Variants in MALRD1 observed in about 807,000 individuals in gnomAD.
The protein encoded by MALRD1 is MAM and LDL-receptor class A domain-containing protein 1.
In MALRD1, 247 loss-of-function variants were observed where a neutral mutation model predicts 242.1. That is an observed-to-expected ratio of 1.02 (90% CI 0.92 to 1.13). The LOEUF is 1.13. MALRD1 is among the 50% of genes most tolerant of loss of function. The probability of loss-of-function intolerance (pLI) is 0.00; values close to 1 mark genes in which losing one functional copy is unlikely to be tolerated. For synonymous variants in MALRD1, 995 were observed against 866.6 expected (o/e 1.15, Z -2.60); for missense variants, 2,989 against 2,533.1 (o/e 1.18, Z -3.86).
intron 31 of MALRD1, among the ~76,000 whole-genome samples, chr10:19,530,149 C>T (rs979598306): frequency 1.3e-5 from 2 of 150,848 alleles, no homozygotes; most frequent in Admixed American, 6.6e-5. Context: ...TAATGTAACA[C>T]ACTAATGCAA....
At chr10:19,464,236 T>G (rs1836105799) in intron 29 of MALRD1, among the ~76,000 whole-genome samples, 2 of 152,196 alleles carry the variant, frequency 1.3e-5, no homozygotes, top group African/African-American at 4.8e-5. Context: ...TGTTTATCTT[T>G]GTTTTTGTTG....
chr10:19,452,620 A>C (rs1835391741), intron 29 of MALRD1, among the ~76,000 whole-genome samples: 1 of 152,216 alleles, frequency 6.6e-6, no homozygotes, highest in South Asian at 2.1e-4. Flanking sequence ...AATTATGAGA[A>C]AGTTTGAAAG....
At chr10:19,465,102 C>A (rs1479351529) in intron 29 of MALRD1, among the ~76,000 whole-genome samples, 1 of 152,030 alleles carries the variant, frequency 6.6e-6, no homozygotes, top group Non-Finnish European at 1.5e-5. Flanking sequence ...GTTTTAGGAG[C>A]TTTTTGGAGG....
At chr10:19,358,363 T>C (rs1844737072) in intron 26 of MALRD1, among the ~76,000 whole-genome samples, 1 of 152,102 alleles carries the variant, frequency 6.6e-6, no homozygotes, top group African/African-American at 2.4e-5. Context: ...ATCTTTCAGG[T>C]CACTCATTTC....
At chr10:19,384,338 T>G (rs1845967063) in intron 26 of MALRD1, among the ~76,000 whole-genome samples, 1 of 127,400 alleles carries the variant, frequency 7.8e-6, no homozygotes, top group Non-Finnish European at 1.6e-5. Flanking sequence ...ATATATAATA[T>G]AATTACTATA....
intron 36 of MALRD1, among the ~76,000 whole-genome samples, chr10:19,676,266 C>A (rs901294215): frequency 2.0e-5 from 3 of 152,164 alleles, no homozygotes; most frequent in Admixed American, 1.3e-4. Flanking sequence ...ACTTATACCA[C>A]GTGACATCAG....
chr10:19,282,237 C>T (rs368323289), intron 20 of MALRD1, among the ~76,000 whole-genome samples: 12 of 152,208 alleles, frequency 7.9e-5, no homozygotes, highest in Middle Eastern at 3.4e-3. Context: ...TTAACTAATA[C>T]GCCTGAATGT....
intron 13 of MALRD1, among the ~76,000 whole-genome samples, chr10:19,174,586 T>A (rs913524821): frequency 6.6e-6 from 1 of 151,904 alleles, no homozygotes; most frequent in African/African-American, 2.4e-5. Flanking sequence ...AATAACAACA[T>A]AATATGAGTA....
intron 38 of MALRD1, among the ~76,000 whole-genome samples, chr10:19,717,690 T>C (rs1374680023): frequency 6.6e-6 from 1 of 152,128 alleles, no homozygotes; most frequent in Non-Finnish European, 1.5e-5. Flanking sequence ...CCACAGCCTG[T>C]GTTAGGCCAT....
At chr10:19,719,223 C>CATACATATATATATATATATAT (rs1176551831) in intron 38 of MALRD1, among the ~76,000 whole-genome samples, 3 of 76,430 alleles carry the variant, frequency 3.9e-5, no homozygotes, top group African/African-American at 1.7e-4. Flanking sequence ...CACATACATA[C>CATACATATATATATATATATAT]ATATATATAT....
chr10:19,205,657 C>G (rs16918351), intron 17 of MALRD1, among the ~76,000 whole-genome samples: 1 of 151,904 alleles, frequency 6.6e-6, no homozygotes, highest in Admixed American at 6.6e-5. Context: ...TAGATCAGAT[C>G]TAAAAAAATC....
chr10:19,498,740 G>A, intron 31 of MALRD1, 94 bp downstream of exon 31: 1 of 1,385,534 alleles, frequency 7.2e-7, no homozygotes, highest in East Asian at 2.5e-5. Context: ...TTTCTTATGT[G>A]TATGTGGGGA....
At chr10:19,203,644 G>T in intron 14 of MALRD1, 84 bp from the exon 15 acceptor site, 1 of 1,341,048 alleles carries the variant, frequency 7.5e-7, no homozygotes, top group Non-Finnish European at 1.0e-6. Flanking sequence ...AGCATAATAA[G>T]GTGAATTCTA....
chr10:19,280,068 C>T lies in MALRD1; in HGVS notation c.3101C>T (p.Pro1034Leu). The change falls in exon 20 of 40, where the codon CCA becomes CTA. Residue 1034 changes from proline (P) to leucine (L), a missense_variant. Transcript: ENST00000454679. ...CAAGGTAATTTGCCAGCAGACCTCC[C>T]AACTCCACCAGAAACGTCAGTTCCT... ...LYPGNLPADL[P>L]TPPETSVPVT... 1 of 1,514,154 alleles carries T rather than the reference C, an allele frequency of 6.6e-7. No individual in the cohort carries two copies. The highest frequency in any genetic ancestry group is 8.8e-7 in the Non-Finnish European group (1 of 1,133,804). The allele number at this position is 1,514,154 out of a possible 1,614,324, so 93.8% of individuals were successfully genotyped here.
At chr10:19,559,305 T>C (rs59736431) in intron 32 of MALRD1, among the ~76,000 whole-genome samples, 6,384 of 152,050 alleles carry the variant, frequency 0.042, 439 homozygotes, top group African/African-American at 0.14. Flanking sequence ...TCTCTTTTTT[T>C]CTCAGGTAAC....
chr10:19,653,347 C>G (rs376151205), intron 36 of MALRD1, among the ~76,000 whole-genome samples: 3 of 152,148 alleles, frequency 2.0e-5, no homozygotes, highest in South Asian at 4.1e-4. Context: ...CAGACATGCA[C>G]CACCACACTC....
At chr10:19,293,831 A>G (rs1472595436) in intron 21 of MALRD1, among the ~76,000 whole-genome samples, 1 of 152,166 alleles carries the variant, frequency 6.6e-6, no homozygotes, top group Admixed American at 6.6e-5. Context: ...AGGATGAAAT[A>G]ATCTTTACAA....
intron 33 of MALRD1, among the ~76,000 whole-genome samples, chr10:19,575,475 G>A (rs922544999): frequency 7.7e-6 from 1 of 130,322 alleles, no homozygotes; most frequent in African/African-American, 2.9e-5. Flanking sequence ...GAAAGTAAAG[G>A]CCATGGTTCA....
chr10:19,289,816 G>A (rs1377727003), intron 21 of MALRD1, among the ~76,000 whole-genome samples: 1 of 152,116 alleles, frequency 6.6e-6, no homozygotes, highest in Non-Finnish European at 1.5e-5. Context: ...TTTTAAGGAT[G>A]TTGTTTTGGA....
Sources: allele counts gnomAD v4.1 joint callset (sites outside exome capture counted in the v4.1 genomes callset), GRCh38; gene constraint gnomAD v4.1.1; transcripts MANE v1.5; gene names NCBI Gene and HGNC (gene_info 2026-07-23, HGNC 2026-07-21).